DSCAML1: variants seen among roughly 807,000 people sequenced by gnomAD.
DSCAML1 encodes cell adhesion molecule DSCAML1.
In DSCAML1, 38 loss-of-function variants were observed where a neutral mutation model predicts 200.5. The observed-to-expected ratio is 0.19, with a 90% CI of 0.15 to 0.25. The LOEUF is 0.25. Ranked by LOEUF, DSCAML1 falls within the 10% of genes least tolerant of loss-of-function variation. The pLI is 1.00. For synonymous variants in DSCAML1, 1,215 were observed against 1,165.0 expected, an observed-to-expected ratio of 1.04 and a Z score of -0.87; for missense variants, 2,223 against 2,858.8, an observed-to-expected ratio of 0.78 and a Z score of 5.07.
chr11:117,531,607 G>T (rs2050077470), intron 4 of DSCAML1, among the ~76,000 whole-genome samples: 1 of 152,130 alleles, frequency 6.6e-6, no homozygotes, highest in South Asian at 2.1e-4. Flanking sequence ...CCTCAGGCCG[G>T]GCGCAGTGGC....
chr11:117,665,750 G>A (rs1407596541), intron 3 of DSCAML1, among the ~76,000 whole-genome samples: 2 of 152,110 alleles, frequency 1.3e-5, no homozygotes, highest in African/African-American at 4.8e-5. Context: ...AATCCCAACG[G>A]CCTCAGTCCC....
intron 3 of DSCAML1, among the ~76,000 whole-genome samples, chr11:117,750,131 A>C (rs920189038): frequency 2.0e-5 from 3 of 152,160 alleles, no homozygotes; most frequent in Admixed American, 2.0e-4. Flanking sequence ...ATGTTGGGTA[A>C]AGGGGCATCT....
intron 3 of DSCAML1, among the ~76,000 whole-genome samples, chr11:117,615,587 C>A (rs2051795626): frequency 6.6e-6 from 1 of 152,124 alleles, no homozygotes; most frequent in Non-Finnish European, 1.5e-5. Flanking sequence ...TCTCACCCCC[C>A]AGGTGTTGGT....
intron 3 of DSCAML1, among the ~76,000 whole-genome samples, chr11:117,705,692 G>C (rs2053747834): frequency 6.6e-6 from 1 of 152,102 alleles, no homozygotes; most frequent in African/African-American, 2.4e-5. Context: ...TCTCAAACAG[G>C]TGAAGATTTT....
chr11:117,605,523 C>T (rs1696903605), intron 3 of DSCAML1, among the ~76,000 whole-genome samples: 1 of 152,226 alleles, frequency 6.6e-6, no homozygotes, highest in Admixed American at 6.5e-5. Flanking sequence ...CTTTCATTTA[C>T]TCTGCCACCT....
intron 1 of DSCAML1, among the ~76,000 whole-genome samples, chr11:117,784,696 A>C (rs1247883960): frequency 6.6e-6 from 1 of 152,154 alleles, no homozygotes; most frequent in Non-Finnish European, 1.5e-5. Context: ...TTGAAGTCTG[A>C]CAGAACTACC....
chr11:117,610,636 T>C (rs1591320110), intron 3 of DSCAML1, among the ~76,000 whole-genome samples: 2 of 151,950 alleles, frequency 1.3e-5, no homozygotes, highest in East Asian at 3.9e-4. Flanking sequence ...CCTTCTTTTC[T>C]GCTTGTCCTT....
At chr11:117,802,181 C>T (rs2055666059), upstream of DSCAML1, 1 of 152,226 alleles carries the variant, frequency 6.6e-6, no homozygotes, top group Non-Finnish European at 1.5e-5. Flanking sequence ...CACTGGAAAA[C>T]CTTCACCTTT....
intron 3 of DSCAML1, among the ~76,000 whole-genome samples, chr11:117,770,742 T>C (rs2055023415): frequency 6.6e-6 from 1 of 151,308 alleles, no homozygotes; most frequent in Non-Finnish European, 1.5e-5. Context: ...TTGGAGGGAG[T>C]TCAGAAAAGG....
rs574443191 is a variant in DSCAML1, at chr11:117,613,674, C to T, written c.512-81152G>A. Among the ~76,000 whole-genome samples the T allele has an allele frequency of 1.9e-3, 295 of 152,296 alleles. 1 individual carries two copies. The highest frequency in any genetic ancestry group is 3.5e-3 in the Admixed American group (54 of 15,306). Reference sequence around the variant, plus strand: ...CCCCCTCCCTGCCAGGAGACTTTACCGCGTTAGGCAGGCGGGGAGGCAGGA... The same window carrying T: ...CCCCCTCCCTGCCAGGAGACTTTACTGCGTTAGGCAGGCGGGGAGGCAGGA... On this transcript the variant is annotated intron_variant, in intron 3 of 32. Coordinates refer to ENST00000651296, the MANE Select transcript of DSCAML1 (RefSeq NM_020693.4).
At chr11:117,791,224 T>C (rs1230374102) in intron 1 of DSCAML1, among the ~76,000 whole-genome samples, 1 of 152,220 alleles carries the variant, frequency 6.6e-6, no homozygotes, top group East Asian at 1.9e-4. Flanking sequence ...ACCTCTGGGT[T>C]ACATGCTGCT....
chr11:117,520,978 A>C (rs2049875258), intron 6 of DSCAML1, 152 bp downstream of exon 6: 2 of 1,035,024 alleles, frequency 1.9e-6, no homozygotes, highest in African/African-American at 1.6e-5. Context: ...AAGGGCTTCC[A>C]CACAGGGCCC....
intron 1 of DSCAML1, among the ~76,000 whole-genome samples, chr11:117,783,140 G>A (rs536685955): frequency 1.4e-4 from 22 of 152,250 alleles, no homozygotes; most frequent in African/African-American, 4.3e-4. Context: ...ACTCCTTCCT[G>A]GGAGCGGTTT....
intron 18 of DSCAML1, among the ~76,000 whole-genome samples, chr11:117,460,338 C>T (rs895909930): frequency 6.6e-5 from 10 of 152,068 alleles, no homozygotes; most frequent in African/African-American, 2.4e-4. Context: ...AAAGACACTT[C>T]CTACTGGCAG....
At chr11:117,545,226 T>TAAAAAAA (rs369727751) in intron 3 of DSCAML1, among the ~76,000 whole-genome samples, 1 of 135,928 alleles carries the variant, frequency 7.4e-6, no homozygotes, top group Admixed American at 7.2e-5. Context: ...CAAGATTCCG[T>TAAAAAAA]AAAAAAAAAC....
chr11:117,443,889 T>G lies in DSCAML1; in HGVS notation c.3859A>C (p.Lys1287Gln). The change falls in exon 21 of 33, where the codon AAG becomes CAG. Residue 1287 changes from lysine to glutamine, a missense_variant. Lys to Gln is a moderately conservative substitution (Grantham distance 53). Coordinates refer to ENST00000651296, the MANE Select transcript of DSCAML1 (RefSeq NM_020693.4). ...GCCACAGCCTCAGGCTTCTCACCCT[T>G]GCCAGCAGGCTCGATGGTCACCTTC... ...SEKVTIEPAG[K>Q]APAKIISFGG... The G allele has an allele frequency of 6.2e-7, 1 of 1,603,272 alleles. No homozygotes were observed. Among genetic ancestry groups the G allele is most frequent in the Non-Finnish European group, 8.5e-7 (1 of 1,175,492 alleles).
intron 15 of DSCAML1, among the ~76,000 whole-genome samples, chr11:117,470,856 T>C (rs1435469464): frequency 6.6e-6 from 1 of 150,812 alleles, no homozygotes; most frequent in African/African-American, 2.4e-5. Flanking sequence ...GCAAAAGTAA[T>C]ATTGATTAAA....
chr11:117,565,434 G>A (rs1296110618), intron 3 of DSCAML1, among the ~76,000 whole-genome samples: 2 of 152,144 alleles, frequency 1.3e-5, no homozygotes, highest in African/African-American at 2.4e-5. Flanking sequence ...CTCTCAAACC[G>A]TGTATTTGTA....
rs2047951325 is a variant in DSCAML1 at position 117,437,810 on chromosome 11, C to A, written c.4432+85G>T. The A allele has an allele frequency of 7.1e-7, 1 of 1,402,586 alleles. No individual in the cohort carries two copies. The allele number at this position is 1,402,586 out of a possible 1,614,324, so 86.9% of individuals were successfully genotyped here. A position where few individuals can be genotyped will look rare whatever the true frequency, so the allele number is the denominator to read the frequency against. On this transcript the variant is annotated intron_variant, in intron 25 of 32. Coordinates refer to ENST00000651296, the MANE Select transcript of DSCAML1 (RefSeq NM_020693.4). This position sits in a 1 kb window ranked among gnomAD's most constrained non-coding sequence, Gnocchi z 5.3. ...CTGGACCCCTCCTTCCCCACCCCAG[C>A]CACCTTACACCCCATACCTGGCCCC...
Sources: gnomAD v4.1 joint callset for allele counts (sites outside exome capture counted in the v4.1 genomes callset) on GRCh38, gnomAD v4.1.1 for gene constraint, Gnocchi (gnomAD v3.1) non-coding constraint, MANE v1.5 for transcripts, NCBI Gene and HGNC (gene_info 2026-07-23, HGNC 2026-07-21) for gene names.